DCC: variants seen among roughly 807,000 people sequenced by gnomAD.
The protein encoded by DCC is netrin receptor DCC.
Under a neutral mutation model 172.5 loss-of-function variants are expected in DCC, and 58 were observed. The observed-to-expected ratio is 0.34, with a 90% confidence interval of 0.27 to 0.42. The LOEUF (loss-of-function observed/expected upper bound fraction) is 0.42. Ranked by LOEUF, DCC falls within the 10% of genes least tolerant of loss-of-function variation. The probability of loss-of-function intolerance (pLI) is 1.00; values close to 1 mark genes in which losing one functional copy is unlikely to be tolerated. For synonymous variants in DCC, 709 were observed against 644.5 expected, an observed-to-expected ratio of 1.10 and a Z score of -1.52; for missense variants, 1,740 against 1,791.0, an observed-to-expected ratio of 0.97 and a Z score of 0.51.
chr18:53,499,537 A>C, intron 27 of DCC, 27 bp downstream of exon 27: 1 of 1,571,216 alleles, frequency 6.4e-7, no homozygotes, highest in Non-Finnish European at 8.8e-7. Context: ...TTCACCTTTA[A>C]AATTCTTATT....
Position 52,907,292 on chromosome 18 carries a change from A to ACATGATATGTCATGGATATATC in DCC, c.697+967_697+968insGATATGTCATGGATATATCCAT, listed in dbSNP as rs1478553108. Among the ~76,000 whole-genome samples, 374 of 45,104 alleles carry ACATGATATGTCATGGATATATC rather than the reference A, an allele frequency of 8.3e-3. 1 individual carries two copies. Among genetic ancestry groups the ACATGATATGTCATGGATATATC allele is most frequent in the African/African-American group, 0.018 (346 of 18,800 alleles). 29.6% of individuals were successfully genotyped at this position (45,104 alleles called of 152,430 possible). ...TATACATGATATGTCATGGATATAT[A>ACATGATATGTCATGGATATATC]CATATGGATATATACATATGTATAT... is the stretch of plus-strand genomic sequence containing the variant. On this transcript the variant is annotated intron_variant, in intron 3 of 28. Coordinates refer to ENST00000442544, the MANE Select transcript of DCC (RefSeq NM_005215.4).
rs1404641165 is a variant in DCC at position 53,351,418 on chromosome 18, C to CAGTATATATATACAGTGTATATATATAT, written c.2359+11512_2359+11513insGTATATATATACAGTGTATATATATATA. Among the ~76,000 whole-genome samples, 3 of 19,280 alleles carry CAGTATATATATACAGTGTATATATATAT rather than the reference C, an allele frequency of 1.6e-4. 1 individual carries two copies. The South Asian group carries it at 5.8e-3, about 37-fold the overall frequency. 12.6% of individuals were successfully genotyped at this position (19,280 alleles called of 152,430 possible). A position where few individuals can be genotyped will look rare whatever the true frequency, so the allele number is the denominator to read the frequency against. On this transcript the variant is annotated intron_variant, in intron 15 of 28. Transcript: ENST00000442544. ...TATACAGTGTATATATATATATATA[C>CAGTATATATATACAGTGTATATATATAT]ACACTGTGTATATATATATACAGTG...
At chr18:53,483,215 T>C (rs934089251) in intron 25 of DCC, among the ~76,000 whole-genome samples, 5 of 152,006 alleles carry the variant, frequency 3.3e-5, no homozygotes, top group African/African-American at 1.2e-4. Context: ...TTTCCCTTTT[T>C]CTGGAGTCTG....
intron 5 of DCC, among the ~76,000 whole-genome samples, chr18:53,044,110 C>A (rs375361160): frequency 1.3e-5 from 2 of 151,960 alleles, no homozygotes; most frequent in East Asian, 3.9e-4. Flanking sequence ...CCTTTGAGAA[C>A]AAGAAACATA....
At chr18:52,904,410 C>G (rs893125278) in intron 2 of DCC, among the ~76,000 whole-genome samples, 1 of 152,294 alleles carries the variant, frequency 6.6e-6, no homozygotes, top group Non-Finnish European at 1.5e-5. Flanking sequence ...TAAAATTTCA[C>G]CTTCACTTAG....
chr18:52,907,052 A>C (rs890355693), intron 3 of DCC, among the ~76,000 whole-genome samples: 1 of 151,726 alleles, frequency 6.6e-6, no homozygotes, highest in African/African-American at 2.4e-5. Context: ...CTTACATTTC[A>C]TCTACCAGGC....
chr18:53,307,897 GTATATATATATATA>G (rs771876514), intron 13 of DCC, among the ~76,000 whole-genome samples: 1,291 of 67,254 alleles, frequency 0.019, 38 homozygotes, highest in African/African-American at 0.051. Context: ...GTGTGTGTAT[GTATATATATATATA>G]TATATATATA....
intron 1 of DCC, among the ~76,000 whole-genome samples, chr18:52,689,188 C>T (rs1018812789): frequency 4.6e-5 from 7 of 152,096 alleles, no homozygotes; most frequent in Non-Finnish European, 4.4e-5. Flanking sequence ...AAATTTCCAT[C>T]TGTTGGAGCC....
chr18:52,564,193 A>G (rs2033102981), intron 1 of DCC, among the ~76,000 whole-genome samples: 1 of 152,110 alleles, frequency 6.6e-6, no homozygotes, highest in Admixed American at 6.6e-5. Flanking sequence ...CAGGGTTCCA[A>G]AAGTAAAAGA....
intron 12 of DCC, among the ~76,000 whole-genome samples, chr18:53,288,265 A>G (rs1005462735): frequency 6.6e-6 from 1 of 152,132 alleles, no homozygotes; most frequent in Non-Finnish European, 1.5e-5. Context: ...ATGAATATTT[A>G]TTAAAGCAGA....
At chr18:52,873,419 G>A (rs2039352862) in intron 2 of DCC, among the ~76,000 whole-genome samples, 1 of 152,170 alleles carries the variant, frequency 6.6e-6, no homozygotes, top group African/African-American at 2.4e-5. Context: ...ACACGAGCTT[G>A]CCTATGACAT....
At chr18:52,508,667 G>C (rs1292383218) in intron 1 of DCC, among the ~76,000 whole-genome samples, 1 of 152,170 alleles carries the variant, frequency 6.6e-6, no homozygotes, top group Non-Finnish European at 1.5e-5. Flanking sequence ...AACTTTGAAA[G>C]CATTCCTAAA....
chr18:53,333,000 G>T (rs1374316898), intron 14 of DCC, among the ~76,000 whole-genome samples: 2 of 151,654 alleles, frequency 1.3e-5, no homozygotes, highest in African/African-American at 2.4e-5. Flanking sequence ...AGTCCTAGAG[G>T]TCAGGGCTGT....
chr18:52,609,787 A>C (rs2034210524), intron 1 of DCC, among the ~76,000 whole-genome samples: 1 of 151,992 alleles, frequency 6.6e-6, no homozygotes, highest in Admixed American at 6.6e-5. Context: ...ATAGGATAAA[A>C]AATGCTAGAA....
chr18:52,807,537 T>G (rs1257865653), intron 2 of DCC, among the ~76,000 whole-genome samples: 1 of 34,072 alleles, frequency 2.9e-5, no homozygotes, highest in Non-Finnish European at 1.6e-4. Context: ...CAGCTATTAG[T>G]TTAGTAATGA....
chr18:53,269,207 G>T (rs755331448), intron 12 of DCC, among the ~76,000 whole-genome samples: 8 of 152,022 alleles, frequency 5.3e-5, no homozygotes, highest in Non-Finnish European at 1.2e-4. Flanking sequence ...AATAACTAGC[G>T]TATTCTTTAT....
chr18:52,684,632 G>C (rs2035800493), intron 1 of DCC, among the ~76,000 whole-genome samples: 1 of 152,014 alleles, frequency 6.6e-6, no homozygotes, highest in South Asian at 2.1e-4. Flanking sequence ...GTCCCTTTTA[G>C]TGATTGGGCA....
chr18:52,404,065 A>G (rs1298270156), intron 1 of DCC, among the ~76,000 whole-genome samples: 1 of 152,096 alleles, frequency 6.6e-6, no homozygotes. Flanking sequence ...TTGGCTAGAC[A>G]GAAGGTTCTG....
chr18:52,380,159 G>T (rs1171841999), intron 1 of DCC, among the ~76,000 whole-genome samples: 4 of 152,110 alleles, frequency 2.6e-5, no homozygotes, highest in African/African-American at 9.6e-5. Flanking sequence ...TCATGATGGA[G>T]GATCCCTCAT....
Sources: allele counts gnomAD v4.1 joint callset (sites outside exome capture counted in the v4.1 genomes callset), GRCh38; gene constraint gnomAD v4.1.1; transcripts MANE v1.5; gene names NCBI Gene and HGNC (gene_info 2026-07-23, HGNC 2026-07-21).